The following SLC47A1 variants were observed in gnomAD, a reference collection of about 807,000 sequenced individuals.
The protein encoded by SLC47A1 is solute carrier family 47 member 1.
SLC47A1 carries 58 observed loss-of-function variants against 65.8 expected under a neutral mutation model. The ratio of observed to expected loss-of-function variants is 0.88; its 90% confidence interval spans 0.71 to 1.10. The LOEUF (loss-of-function observed/expected upper bound fraction) is 1.10. Ranked by LOEUF, SLC47A1 falls within the 50% of genes least tolerant of loss-of-function variation. The pLI is 0.00. For missense variants in SLC47A1, 706 were observed against 719.2 expected (o/e 0.98, Z 0.21); for synonymous variants, 285 against 295.0 (o/e 0.97, Z 0.35).
chr17:19,542,600 A>T (rs757567899), intron 2 of SLC47A1, 106 bp downstream of exon 2: 647 of 920,006 alleles, frequency 7.0e-4, no homozygotes, highest in Non-Finnish European at 9.5e-4. Flanking sequence ...ACACAGACTT[A>T]TTCTCTTACA....
intron 3 of SLC47A1, 120 bp downstream of exon 3, chr17:19,546,623 C>A: frequency 1.2e-6 from 1 of 867,344 alleles, no homozygotes; most frequent in Non-Finnish European, 1.9e-6. Context: ...TATCAGCCAG[C>A]AACTCCTCTT....
At position 19,560,236 on chromosome 17, in the gene SLC47A1, C is replaced by G. The variant is rs764288253; in HGVS notation, c.970C>G (p.Leu324Val). ...TGCCAGTGTCCGGGTAGGAAACGCT[C>G]TGGGTGCTGGAGACATGGAGCAGGC... The part of the protein sequence containing the change: ...VAASVRVGNA[L>V]GAGDMEQARK... Residue 324 changes from leucine (L) to valine (V), a missense_variant, in exon 11 of 17, where the codon CTG (leucine) becomes GTG (valine). Coordinates refer to ENST00000270570, the MANE Select transcript of SLC47A1 (RefSeq NM_018242.3). The G allele has an allele frequency of 4.3e-6, 7 of 1,613,686 alleles. No homozygotes were observed. In the Middle Eastern group the frequency reaches 5.2e-4, roughly 120 times the overall value.
chr17:19,560,346 A>G lies in SLC47A1; in HGVS notation c.1030+50A>G, dbSNP rs754397958. 6.2e-6 allele frequency: 10 copies of G among 1,609,966 alleles called. 1 individual carries two copies. The South Asian group carries it at 1.1e-4, about 18-fold the overall frequency. On this transcript the variant is annotated intron_variant, in intron 11 of 16. Coordinates refer to ENST00000270570, the MANE Select transcript of SLC47A1 (RefSeq NM_018242.3). ...CTCTTGGTGCAGTCTCTGCATGCAA[A>G]ACCCAGGCTCCTCCACTTCCTGTGG...
chr17:19,543,471 G>C (rs549866942), intron 2 of SLC47A1, among the ~76,000 whole-genome samples: 4 of 152,230 alleles, frequency 2.6e-5, no homozygotes, highest in Non-Finnish European at 1.5e-5. Context: ...AGTTGGGGGA[G>C]GGGAACAGTA....
In SLC47A1 at chr17:19,566,954, T is replaced by A. The variant is rs1362838031; in HGVS notation, c.1176+95T>A. 7 of 1,587,176 alleles carry A rather than the reference T, an allele frequency of 4.4e-6. No homozygotes were observed. In the East Asian group the frequency reaches 9.0e-5, roughly 20 times the overall value. On this transcript the variant is annotated intron_variant, in intron 13 of 16. Coordinates refer to ENST00000270570, the MANE Select transcript of SLC47A1 (RefSeq NM_018242.3). ...GAGGGGCCAGCATAGGTAGGAAGAT[T>A]GAATATTGTTACCACATTTCGTTTA...
At chr17:19,564,047 G>A (rs961448656) in intron 12 of SLC47A1, among the ~76,000 whole-genome samples, 1 of 148,776 alleles carries the variant, frequency 6.7e-6, no homozygotes, top group African/African-American at 2.5e-5. Flanking sequence ...GAATATATTT[G>A]GGTGAAATAT....
chr17:19,565,228 A>G (rs2084346537), intron 12 of SLC47A1, among the ~76,000 whole-genome samples: 1 of 152,202 alleles, frequency 6.6e-6, no homozygotes, highest in South Asian at 2.1e-4. Context: ...GGAACCAAGG[A>G]TAATTCTGCA....
rs563267554 is a variant in SLC47A1 at position 19,556,021 on chromosome 17, G to A, written c.880G>A (p.Ala294Thr). ...CATCCTCGGCATGGTGGAGCTGGGCGCTCAGTCCATCGTGTATGAACTGGC... is the reference window on the plus strand; with the variant it reads ...CATCCTCGGCATGGTGGAGCTGGGCACTCAGTCCATCGTGTATGAACTGGC... ...SGILGMVELG[A>T]QSIVYELAII... The change falls in exon 10 of 17, where the codon GCT (alanine) becomes ACT (threonine). Residue 294 changes from alanine to threonine, a missense_variant. Transcript: ENST00000270570. The A allele has an allele frequency of 1.9e-4, 305 of 1,614,152 alleles. No individual in the cohort carries two copies. The South Asian group carries it at 2.4e-3, about 13-fold the overall frequency.
chr17:19,567,588 G>A (rs1031553038), intron 14 of SLC47A1: 2 of 271,016 alleles, frequency 7.4e-6, no homozygotes, highest in African/African-American at 4.4e-5. Context: ...CCCTTAGTGT[G>A]TTTCGTGCTG....
chr17:19,542,556 A>G, intron 2 of SLC47A1, 62 bp downstream of exon 2: 5 of 1,298,784 alleles, frequency 3.8e-6, no homozygotes, highest in Non-Finnish European at 5.4e-6. Flanking sequence ...TGCTGCTACT[A>G]TAACAAATCA....
intron 3 of SLC47A1, 106 bp from the exon 4 acceptor site, chr17:19,547,879 T>C: frequency 1.5e-6 from 2 of 1,338,926 alleles, no homozygotes; most frequent in South Asian, 1.6e-5. Context: ...TGAGCCACCT[T>C]ATCCAGCCAA....
intron 1 of SLC47A1, among the ~76,000 whole-genome samples, chr17:19,538,809 T>C (rs1916063928): frequency 6.6e-6 from 1 of 152,160 alleles, no homozygotes; most frequent in Non-Finnish European, 1.5e-5. Context: ...TGCCTGGCCC[T>C]GGAGAGCAAC....
At position 19,534,384 on chromosome 17, in the gene SLC47A1, G is replaced by C. The variant is rs1414534222; in HGVS notation, c.135+310G>C. On this transcript the variant is annotated intron_variant, in intron 1 of 16. Coordinates refer to ENST00000270570, the MANE Select transcript of SLC47A1 (RefSeq NM_018242.3). ...CTCCTGCGCCAGGAGACACCGGAGAGCTGGGACCTTTGCCCCTAACGGGGC... is the reference window on the plus strand; with the variant it reads ...CTCCTGCGCCAGGAGACACCGGAGACCTGGGACCTTTGCCCCTAACGGGGC... 10 of 317,024 alleles carry C rather than the reference G, an allele frequency of 3.2e-5. No individual in the cohort carries two copies. In the East Asian group the frequency reaches 4.3e-4, roughly 14 times the overall value. The allele number at this position is 317,024 out of a possible 1,614,324, so 19.6% of individuals were successfully genotyped here. A position where few individuals can be genotyped will look rare whatever the true frequency, so the allele number is the denominator to read the frequency against.
At chr17:19,570,022 G>T (rs1042909743) in intron 14 of SLC47A1, among the ~76,000 whole-genome samples, 4 of 152,162 alleles carry the variant, frequency 2.6e-5, no homozygotes, top group Admixed American at 6.5e-5. Context: ...CAAGGCAGGA[G>T]GATCACTTGA....
At chr17:19,563,808 G>A (rs935043741) in intron 12 of SLC47A1, among the ~76,000 whole-genome samples, 13 of 151,724 alleles carry the variant, frequency 8.6e-5, no homozygotes, top group Middle Eastern at 3.4e-3. Flanking sequence ...CTAACATGGT[G>A]AAACCCTGTC....
At chr17:19,569,304 G>A (rs532333962) in intron 14 of SLC47A1, among the ~76,000 whole-genome samples, 5 of 151,914 alleles carry the variant, frequency 3.3e-5, no homozygotes, top group Admixed American at 6.6e-5. Flanking sequence ...CCCGGGAGGC[G>A]GAGGCTGCAG....
chr17:19,577,788 C>G lies in SLC47A1; in HGVS notation c.*235C>G. 3 of 1,359,772 alleles carry G rather than the reference C, an allele frequency of 2.2e-6. No individual in the cohort carries two copies. Among genetic ancestry groups the G allele is most frequent in the Non-Finnish European group, 2.8e-6 (3 of 1,055,198 alleles). 84.2% of individuals were successfully genotyped at this position (1,359,772 alleles called of 1,614,324 possible). ...GACATGAGTAGTAATTCACCACTAT[C>G]TGAACCAAGCAAGGATCAATGTGCT... On this transcript the variant is annotated 3_prime_UTR_variant, in exon 17 of 17. Coordinates refer to ENST00000270570, the MANE Select transcript of SLC47A1 (RefSeq NM_018242.3).
rs773248921 is a variant in SLC47A1, at chr17:19,555,792, A to G, written c.740-4A>G. 1 of 1,613,344 alleles carries G rather than the reference A, an allele frequency of 6.2e-7. No homozygotes were observed. The highest frequency in any genetic ancestry group is 8.5e-7 in the Non-Finnish European group (1 of 1,179,970). ...TCCTGGAAATGTGTGTGTCCCCCCCACAGGCTGGTCCCTCGAGTGCCTGCA... is the reference window on the plus strand; with the variant it reads ...TCCTGGAAATGTGTGTGTCCCCCCCGCAGGCTGGTCCCTCGAGTGCCTGCA... On this transcript the variant is annotated splice_polypyrimidine_tract_variant and splice_region_variant and intron_variant, in intron 8 of 16. Transcript: ENST00000270570.
At chr17:19,542,607 T>C (rs1916178362) in intron 2 of SLC47A1, 113 bp downstream of exon 2, 2 of 870,368 alleles carry the variant, frequency 2.3e-6, no homozygotes, top group South Asian at 1.9e-5. Context: ...CTTATTCTCT[T>C]ACAGTGCTGG....
Sources: allele counts gnomAD v4.1 joint callset (sites outside exome capture counted in the v4.1 genomes callset), GRCh38; gene constraint gnomAD v4.1.1; transcripts MANE v1.5; gene names NCBI Gene and HGNC (gene_info 2026-07-23, HGNC 2026-07-21).